RRBP1: variants seen among roughly 807,000 people sequenced by gnomAD.
RRBP1 encodes the protein ribosome binding protein 1, also known as ribosome-binding protein 1.
A neutral mutation model predicts 165.2 loss-of-function variants in RRBP1; 94 were observed. That is an observed-to-expected ratio of 0.57 (90% CI 0.48 to 0.68). The LOEUF (loss-of-function observed/expected upper bound fraction) is 0.68. Among genes scored for constraint, RRBP1 ranks in the 30% least tolerant of loss-of-function variants. The pLI is 0.00. For synonymous variants in RRBP1, 680 were observed against 714.5 expected, an observed-to-expected ratio of 0.95 and a Z score of 0.77; for missense variants, 1,676 against 1,763.0, an observed-to-expected ratio of 0.95 and a Z score of 0.88.
At chr20:17,632,075 C>T (rs2036161174) in intron 8 of RRBP1, among the ~76,000 whole-genome samples, 1 of 152,192 alleles carries the variant, frequency 6.6e-6, no homozygotes, top group African/African-American at 2.4e-5. Context: ...GTCCATAGTA[C>T]AGATGGGAAA....
chr20:17,660,929 G>C (rs981475029), intron 2 of RRBP1, among the ~76,000 whole-genome samples: 1 of 150,324 alleles, frequency 6.7e-6, no homozygotes, highest in Non-Finnish European at 1.5e-5. Flanking sequence ...AAAAACACCC[G>C]CCCCCACCTA....
intron 23 of RRBP1, 107 bp downstream of exon 23, chr20:17,615,324 C>G: frequency 1.2e-6 from 1 of 860,966 alleles, no homozygotes; most frequent in Non-Finnish European, 1.8e-6. Flanking sequence ...AAGGGCAGGT[C>G]CCGGTGGGGT....
chr20:17,658,340 CAA>C lies in RRBP1; in HGVS notation c.1912+254_1912+255del, dbSNP rs2036682721. 2.6e-5 allele frequency among the ~76,000 whole-genome samples: 4 copies of C among 152,212 alleles called. No homozygotes were observed. The South Asian group carries it at 6.2e-4, about 24-fold the overall frequency. ...GAACTGACCTGAGCTCAACCTGTAG[CAA>C]AGAGTCACCAACCCAGTTAAAACCA... On this transcript the variant is annotated intron_variant, in intron 3 of 24. Coordinates refer to ENST00000377813, the MANE Select transcript of RRBP1 (RefSeq NM_001365613.2).
intron 2 of RRBP1, among the ~76,000 whole-genome samples, chr20:17,662,729 C>T (rs2036788847): frequency 6.6e-6 from 1 of 150,534 alleles, no homozygotes; most frequent in South Asian, 2.1e-4. Flanking sequence ...TGGATGGATT[C>T]AGTGGGTAGG....
chr20:17,656,394 G>A (rs900581975), intron 3 of RRBP1, among the ~76,000 whole-genome samples: 1 of 152,138 alleles, frequency 6.6e-6, no homozygotes, highest in Non-Finnish European at 1.5e-5. Flanking sequence ...TCCACCATCT[G>A]GGCTAACCCA....
chr20:17,616,785 C>T lies in RRBP1; in HGVS notation c.3814G>A (p.Gly1272Arg). 6.2e-7 allele frequency: 1 copy of T among 1,613,132 alleles called. No homozygotes were observed. The highest frequency in any genetic ancestry group is 1.1e-5 in the South Asian group (1 of 90,992). Residue 1272 changes from glycine (G) to arginine (R), a missense_variant, in exon 21 of 25, where the codon GGG becomes AGG. Gly to Arg is a moderately radical substitution (Grantham distance 125, BLOSUM62 -2). Coordinates refer to ENST00000377813, the MANE Select transcript of RRBP1 (RefSeq NM_001365613.2). ...GCCTCTGGGGAGGAAGCTGGGGCCC[C>T]AGCTATGTCACCATCCTCTACGTGG... The part of the protein sequence containing the change: ...KSHVEDGDIA[G>R]APASSPEAPP...
Position 17,658,777 on chromosome 20 carries a change from G to A in RRBP1, c.1731C>T (p.Gly577=), listed in dbSNP as rs2036692662. The part of the protein sequence containing the change: ...GKKAEGSPSE[G]KKAEGSPNQG... ...GGTTGGGGGACCCTTCTGCCTTTTTGCCTTCACTGGGGGACCCTTCTGCTT... is the reference window on the plus strand; with the variant it reads ...GGTTGGGGGACCCTTCTGCCTTTTTACCTTCACTGGGGGACCCTTCTGCTT... Residue 577 remains glycine (G), a synonymous_variant, in exon 3 of 25, where the codon GGC becomes GGT. Coordinates refer to ENST00000377813, the MANE Select transcript of RRBP1 (RefSeq NM_001365613.2). The A allele has an allele frequency of 6.2e-7, 1 of 1,613,826 alleles. No homozygotes were observed.
intron 16 of RRBP1, 22 bp from the exon 17 acceptor site, chr20:17,620,829 G>A: frequency 6.4e-7 from 1 of 1,573,464 alleles, no homozygotes; most frequent in Non-Finnish European, 8.7e-7. Flanking sequence ...CCGAGGTGAG[G>A]CAGGGCCCTC....
intron 2 of RRBP1, among the ~76,000 whole-genome samples, chr20:17,663,717 A>AT (rs2036814253): frequency 6.6e-6 from 1 of 152,230 alleles, no homozygotes; most frequent in Non-Finnish European, 1.5e-5. Flanking sequence ...GAAGCCAGGG[A>AT]TGCCTCTCAA....
chr20:17,670,842 C>T (rs1054080607), intron 2 of RRBP1, among the ~76,000 whole-genome samples: 8 of 152,100 alleles, frequency 5.3e-5, no homozygotes, highest in African/African-American at 1.7e-4. Flanking sequence ...TTTATTTACC[C>T]GGCTTGGGTT....
chr20:17,619,107 G>C (rs6080750), intron 19 of RRBP1: 129,704 of 183,676 alleles, frequency 0.71, 48,334 homozygotes, highest in Middle Eastern at 0.81. Flanking sequence ...TTTTTTGGTA[G>C]AGATGCGGTC....
At chr20:17,636,819 G>A (rs1055646999) in intron 5 of RRBP1, 90 bp from the exon 6 acceptor site, 5 of 1,524,800 alleles carry the variant, frequency 3.3e-6, no homozygotes, top group Non-Finnish European at 3.6e-6. Context: ...CGAGCTGGGA[G>A]GCTGGAGAGC....
intron 12 of RRBP1, among the ~76,000 whole-genome samples, chr20:17,625,167 C>G (rs1380346898): frequency 6.6e-6 from 1 of 152,160 alleles, no homozygotes; most frequent in Non-Finnish European, 1.5e-5. Context: ...GGCATGCCAC[C>G]TGCCGAGCTT....
chr20:17,636,148 G>A (rs1360341418), intron 6 of RRBP1, among the ~76,000 whole-genome samples: 1 of 152,224 alleles, frequency 6.6e-6, no homozygotes, highest in African/African-American at 2.4e-5. Flanking sequence ...CTGGGCAGCC[G>A]CCCAGTGCTG....
intron 2 of RRBP1, among the ~76,000 whole-genome samples, chr20:17,662,091 A>G (rs1368291271): frequency 6.6e-6 from 1 of 151,900 alleles, no homozygotes; most frequent in Non-Finnish European, 1.5e-5. Context: ...TGAAACCCTG[A>G]CTCTACTAAA....
intron 10 of RRBP1, 35 bp downstream of exon 10, chr20:17,627,469 C>T (rs779035075): frequency 5.6e-6 from 9 of 1,605,820 alleles, no homozygotes; most frequent in Non-Finnish European, 7.7e-6. Context: ...GATGGAGTTC[C>T]CTTTCCTCCC....
rs1402969481 is a variant in RRBP1, at chr20:17,620,750, C to T, written c.3472G>A (p.Ala1158Thr). The T allele has an allele frequency of 2.1e-5, 34 of 1,603,926 alleles. No individual in the cohort carries two copies. Among genetic ancestry groups the T allele is most frequent in the South Asian group, 3.3e-5 (3 of 90,586 alleles). Reference protein sequence around the residue: ...SVEEEEQVWRAKVGAAEEELQ... With the variant: ...SVEEEEQVWRTKVGAAEEELQ... ...TCCTCCTCTGCGGCGCCCACCTTGG[C>T]CCTCCACACCTGCTCCTCCTCCTCC... Residue 1158 changes from alanine to threonine, a missense_variant, in exon 17 of 25, where the codon GCC (alanine) becomes ACC (threonine). Ala to Thr is a moderately conservative substitution (Grantham distance 58, BLOSUM62 0). Coordinates refer to ENST00000377813, the MANE Select transcript of RRBP1 (RefSeq NM_001365613.2).
At chr20:17,667,954 T>G (rs1416506015) in intron 2 of RRBP1, among the ~76,000 whole-genome samples, 1 of 152,254 alleles carries the variant, frequency 6.6e-6, no homozygotes, top group Non-Finnish European at 1.5e-5. Flanking sequence ...TTATTTCACT[T>G]GTCTTCCGGC....
At chr20:17,630,809 C>A (rs904777766) in intron 8 of RRBP1, among the ~76,000 whole-genome samples, 4 of 152,226 alleles carry the variant, frequency 2.6e-5, no homozygotes, top group African/African-American at 9.6e-5. Context: ...GTAAGAGGGG[C>A]ATCAACAGAT....
Sources: allele counts gnomAD v4.1 joint callset (sites outside exome capture counted in the v4.1 genomes callset), GRCh38; gene constraint gnomAD v4.1.1; transcripts MANE v1.5; gene names NCBI Gene and HGNC (gene_info 2026-07-23, HGNC 2026-07-21).